The following SDHB variants were observed in gnomAD, a reference collection of about 807,000 sequenced individuals.
SDHB encodes the protein succinate dehydrogenase complex iron sulfur subunit B, also known as succinate dehydrogenase [ubiquinone] iron-sulfur subunit, mitochondrial.
A neutral mutation model predicts 39.7 loss-of-function variants in SDHB; 21 were observed. The ratio of observed to expected loss-of-function variants is 0.53; its 90% CI spans 0.37 to 0.76. The LOEUF is 0.76. Among genes scored for constraint, SDHB ranks in the 30% least tolerant of loss-of-function variants. The pLI is 0.00. For missense variants in SDHB, 343 were observed against 350.9 expected, an observed-to-expected ratio of 0.98 and a Z score of 0.18; for synonymous variants, 118 against 117.0, an observed-to-expected ratio of 1.01 and a Z score of -0.06.
chr1:17,048,252 T>C (rs1202371111), intron 1 of SDHB, among the ~76,000 whole-genome samples: 1 of 152,252 alleles, frequency 6.6e-6, no homozygotes, highest in Non-Finnish European at 1.5e-5. Flanking sequence ...TGTAGCCTTT[T>C]GGAATTGGCT....
intron 2 of SDHB, among the ~76,000 whole-genome samples, chr1:17,037,766 T>G (rs1326547557): frequency 1.3e-5 from 2 of 151,858 alleles, no homozygotes; most frequent in Non-Finnish European, 2.9e-5. Flanking sequence ...CTGGCTAATT[T>G]TTTGTTTGCT....
At position 17,028,623 on chromosome 1, in the gene SDHB, A is replaced by G. The variant is rs771004483; in HGVS notation, c.400T>C (p.Tyr134His). 2.5e-6 allele frequency: 4 copies of G among 1,614,218 alleles called. No homozygotes were observed. In the Admixed American group the frequency reaches 6.7e-5, roughly 27 times the overall value. The change falls in exon 4 of 8, where the codon TAT (tyrosine) becomes CAT (histidine). Residue 134 changes from tyrosine to histidine, a missense_variant. Tyr to His is a moderately conservative substitution (Grantham distance 83). Coordinates refer to ENST00000375499, the MANE Select transcript of SDHB (RefSeq NM_003000.3). ...VSKIYPLPHM[Y>H]VIKDLVPDLS... ...ACGGGAACAAGATCCTTTATCACAT[A>G]CATGTGTGGAAGAGGGTAGATTTTT...
chr1:17,023,903 T>TC (rs2077976771), intron 6 of SDHB, 70 bp downstream of exon 6: 2 of 1,175,186 alleles, frequency 1.7e-6, no homozygotes, highest in Admixed American at 3.4e-5. Context: ...CTTACAGCAA[T>TC]CTATTGTCCT....
chr1:17,053,279 A>G (rs2101550839), intron 1 of SDHB, among the ~76,000 whole-genome samples: 1 of 152,248 alleles, frequency 6.6e-6, no homozygotes, highest in East Asian at 1.9e-4. Flanking sequence ...TGTCAACTCT[A>G]TGAGGTCCGT....
At chr1:17,040,420 A>AT (rs2078073630) in intron 2 of SDHB, among the ~76,000 whole-genome samples, 1 of 151,694 alleles carries the variant, frequency 6.6e-6, no homozygotes, top group African/African-American at 2.4e-5. Context: ...CTTTCTCTCC[A>AT]TTTTTTCTGG....
At chr1:17,027,265 C>T (rs568564608) in intron 5 of SDHB, among the ~76,000 whole-genome samples, 25 of 152,288 alleles carry the variant, frequency 1.6e-4, no homozygotes, top group Admixed American at 1.0e-3. Context: ...AGTGAGCAGG[C>T]CAGGAATAAT....
intron 4 of SDHB, among the ~76,000 whole-genome samples, 178 bp from the exon 5 acceptor site, chr1:17,028,043 TCA>T (rs2078001239): frequency 6.6e-6 from 1 of 152,188 alleles, no homozygotes; most frequent in African/African-American, 2.4e-5. Context: ...GGAAAAATGG[TCA>T]CAATGTTAAG....
chr1:17,034,067 T>C (rs2078036768), intron 2 of SDHB, among the ~76,000 whole-genome samples: 1 of 152,188 alleles, frequency 6.6e-6, no homozygotes, highest in Non-Finnish European at 1.5e-5. Flanking sequence ...CCTGCCCCCA[T>C]TCCACTCACT....
In SDHB at chr1:17,019,973, T is replaced by C. The variant is rs114571421; in HGVS notation, c.766-1015A>G. On this transcript the variant is annotated intron_variant, in intron 7 of 7. Coordinates refer to ENST00000375499, the MANE Select transcript of SDHB (RefSeq NM_003000.3). ...GCTGGTCAAAAAGACACTCTTCATA[T>C]ACCAACATGGGATAATCTCCAAAAT... is the stretch of plus-strand genomic sequence containing the variant. 5.1e-3 allele frequency among the ~76,000 whole-genome samples: 775 copies of C among 152,304 alleles called. 7 individuals are homozygous for C. The highest frequency in any genetic ancestry group is 0.018 in the African/African-American group (744 of 41,552).
Position 17,051,263 on chromosome 1 carries a change from G to A in SDHB, c.72+2685C>T, listed in dbSNP as rs1436669811. 2.6e-5 allele frequency among the ~76,000 whole-genome samples: 4 copies of A among 152,284 alleles called. No individual in the cohort carries two copies. The East Asian group carries it at 5.8e-4, about 22-fold the overall frequency. On this transcript the variant is annotated intron_variant, in intron 1 of 7. Transcript: ENST00000375499. ...TTTACGTTAATCTAAAGACTAATGAGTATTCAAGGCAGAAAGTACATTCCT... is the reference window on the plus strand; with the variant it reads ...TTTACGTTAATCTAAAGACTAATGAATATTCAAGGCAGAAAGTACATTCCT...
In SDHB at chr1:17,045,044, AT is replaced by A. The variant is rs1247545074; in HGVS notation, c.73-157del. 1.5e-5 allele frequency: 10 copies of A among 681,498 alleles called. No homozygotes were observed. In the Middle Eastern group the frequency reaches 1.2e-3, roughly 81 times the overall value. The allele number at this position is 681,498 out of a possible 1,614,324, so 42.2% of individuals were successfully genotyped here. A position where few individuals can be genotyped will look rare whatever the true frequency, so the allele number is the denominator to read the frequency against. ...GGCAGGCATTCAATATCCAACAAGT[AT>A]TAAGCACCTATCATATGCTAATATA... is the stretch of plus-strand genomic sequence containing the variant. On this transcript the variant is annotated intron_variant, in intron 1 of 7. Coordinates refer to ENST00000375499, the MANE Select transcript of SDHB (RefSeq NM_003000.3).
intron 1 of SDHB, among the ~76,000 whole-genome samples, chr1:17,047,896 G>T (rs2078122499): frequency 6.6e-6 from 1 of 152,074 alleles, no homozygotes; most frequent in South Asian, 2.1e-4. Flanking sequence ...GCCTAGGCTG[G>T]TCTTGAACTC....
intron 1 of SDHB, among the ~76,000 whole-genome samples, chr1:17,053,086 T>G (rs546888740): frequency 6.6e-6 from 1 of 152,188 alleles, no homozygotes; most frequent in Non-Finnish European, 1.5e-5. Flanking sequence ...AGAAAGGATT[T>G]GCAAATCCTT....
chr1:17,025,558 T>C (rs1185408101), intron 5 of SDHB, among the ~76,000 whole-genome samples: 1 of 152,088 alleles, frequency 6.6e-6, no homozygotes, highest in Non-Finnish European at 1.5e-5. Flanking sequence ...TATAGGTGCA[T>C]ACCACCATGC....
chr1:17,051,491 A>G (rs2078146865), intron 1 of SDHB, among the ~76,000 whole-genome samples: 1 of 152,194 alleles, frequency 6.6e-6, no homozygotes, highest in African/African-American at 2.4e-5. Context: ...ATAGAGAGGA[A>G]GAAAGCAAAA....
chr1:17,050,746 G>C (rs1166658549), intron 1 of SDHB, among the ~76,000 whole-genome samples: 2 of 152,122 alleles, frequency 1.3e-5, no homozygotes, highest in Admixed American at 1.3e-4. Context: ...AAAATCACCA[G>C]AGTGGTCATG....
chr1:17,052,946 G>A (rs903094012), intron 1 of SDHB, among the ~76,000 whole-genome samples: 3 of 152,144 alleles, frequency 2.0e-5, no homozygotes, highest in South Asian at 4.1e-4. Context: ...TTGGGAATGT[G>A]ATATTTTGAG....
intron 4 of SDHB, 108 bp from the exon 5 acceptor site, chr1:17,027,973 T>C: frequency 4.2e-6 from 3 of 720,832 alleles, no homozygotes; most frequent in Middle Eastern, 3.1e-4. Context: ...TCGTCCACTC[T>C]ATGCCAGGCA....
In SDHB at chr1:17,027,506, C is replaced by T. The variant is rs1328516480; in HGVS notation, c.540+243G>A. 7.8e-6 allele frequency: 4 copies of T among 514,772 alleles called. No homozygotes were observed. In the East Asian group the frequency reaches 1.0e-4, roughly 13 times the overall value. The allele number at this position is 514,772 out of a possible 1,614,324, so 31.9% of individuals were successfully genotyped here. A position where few individuals can be genotyped will look rare whatever the true frequency, so the allele number is the denominator to read the frequency against. Reference sequence around the variant, plus strand: ...TTTTGAAAAAGATGGAGTAGCCACACAGCAACCACCCGCCCCTGCAGGCGG... The same window carrying T: ...TTTTGAAAAAGATGGAGTAGCCACATAGCAACCACCCGCCCCTGCAGGCGG... On this transcript the variant is annotated intron_variant, in intron 5 of 7. Transcript: ENST00000375499.
Sources: allele counts gnomAD v4.1 joint callset (sites outside exome capture counted in the v4.1 genomes callset), GRCh38; gene constraint gnomAD v4.1.1; transcripts MANE v1.5; gene names NCBI Gene and HGNC (gene_info 2026-07-23, HGNC 2026-07-21).